Variants in DYNC2H1 observed in about 807,000 individuals in gnomAD.
DYNC2H1 encodes dynein cytoplasmic 2 heavy chain 1.
A neutral mutation model predicts 570.0 loss-of-function variants in DYNC2H1; 410 were observed. That is an observed-to-expected ratio of 0.72 (90% CI 0.66 to 0.78). DYNC2H1 has a LOEUF of 0.78. DYNC2H1 is among the 30% of genes least tolerant of loss of function. The pLI, the probability that DYNC2H1 is intolerant of heterozygous loss-of-function variation, is 0.00. For missense variants in DYNC2H1, 4,865 were observed against 5,046.4 expected, an observed-to-expected ratio of 0.96 and a Z score of 1.09; for synonymous variants, 1,688 against 1,677.6, an observed-to-expected ratio of 1.01 and a Z score of -0.15.
Position 103,199,409 on chromosome 11 carries a change from C to T in DYNC2H1, c.8021C>T (p.Ala2674Val), listed in dbSNP as rs779700118. 37 of 1,612,398 alleles carry T rather than the reference C, an allele frequency of 2.3e-5. No individual in the cohort carries two copies. Among genetic ancestry groups the T allele is most frequent in the Admixed American group, 5.0e-5 (3 of 59,936 alleles). The part of the protein sequence containing the change: ...ITSLVSHMHG[A>V]VLFSPKISRG... ...TCTTTAGTCAGTCACATGCATGGAG[C>T]GGTCCTGTTTTCTCCAAAGATTTCC... Residue 2674 changes from alanine to valine, a missense_variant, in exon 49 of 89, where the codon GCG becomes GTG. Around this residue, in one of 5 missense-constraint regions of DYNC2H1, gnomAD observed 2,401 missense variants for 2,454.6 expected, o/e 0.98. Transcript: ENST00000375735. This position sits in a 1 kb window ranked among gnomAD's most constrained non-coding sequence, Gnocchi z 4.6.
chr11:103,328,622 T>C (rs1394104519), intron 82 of DYNC2H1, among the ~76,000 whole-genome samples: 1 of 152,194 alleles, frequency 6.6e-6, no homozygotes, highest in Non-Finnish European at 1.5e-5. Flanking sequence ...ACCAATTTTG[T>C]ACAAATATGA....
At chr11:103,219,231 G>GA (rs920224420) in intron 55 of DYNC2H1, among the ~76,000 whole-genome samples, 4 of 149,864 alleles carry the variant, frequency 2.7e-5, no homozygotes, top group African/African-American at 4.9e-5. Context: ...AGAAAAAAAG[G>GA]AAAAAAAAAC....
At chr11:103,230,917 C>T (rs1277358539) in intron 59 of DYNC2H1, among the ~76,000 whole-genome samples, 1 of 152,000 alleles carries the variant, frequency 6.6e-6, no homozygotes, top group Non-Finnish European at 1.5e-5. Context: ...TCATACTTTC[C>T]TCTTTTGATC....
chr11:103,287,548 G>A lies in DYNC2H1; in HGVS notation c.11038G>A (p.Ala3680Thr). The A allele has an allele frequency of 6.2e-7, 1 of 1,610,190 alleles. No individual in the cohort carries two copies. Among genetic ancestry groups the A allele is most frequent in the Non-Finnish European group, 8.5e-7 (1 of 1,178,072 alleles). ...TTATTTTAAGATTCTTGTAGTACAG[G>A]CGCTAAGACCGGACAGATTGCAAAG... ...SLFQQILVVQ[A>T]LRPDRLQSAM... The change falls in exon 75 of 89, where the codon GCG (alanine) becomes ACG (threonine). Residue 3680 changes from alanine to threonine, a missense_variant. Ala to Thr is a moderately conservative substitution (Grantham distance 58). Around this residue, in one of 5 missense-constraint regions of DYNC2H1, gnomAD observed 2,401 missense variants for 2,454.6 expected, o/e 0.98. Coordinates refer to ENST00000375735, the MANE Select transcript of DYNC2H1 (RefSeq NM_001377.3).
intron 84 of DYNC2H1, chr11:103,401,968 A>G (rs1942663543): frequency 6.6e-6 from 1 of 152,182 alleles, no homozygotes; most frequent in Non-Finnish European, 1.5e-5. Flanking sequence ...AAAAAATGTA[A>G]GAGGTAATTG....
chr11:103,332,478 G>C (rs563033567), intron 82 of DYNC2H1, among the ~76,000 whole-genome samples: 1 of 151,718 alleles, frequency 6.6e-6, no homozygotes, highest in African/African-American at 2.4e-5. Flanking sequence ...ACACACACAG[G>C]CATAAAATAT....
At chr11:103,394,946 A>T (rs1055212318) in intron 83 of DYNC2H1, among the ~76,000 whole-genome samples, 1 of 151,936 alleles carries the variant, frequency 6.6e-6, no homozygotes, top group African/African-American at 2.4e-5. Context: ...GAACTCACCA[A>T]ACTCAAAATG....
chr11:103,314,547 A>T (rs1182579532), intron 79 of DYNC2H1, among the ~76,000 whole-genome samples: 1 of 152,074 alleles, frequency 6.6e-6, no homozygotes, highest in African/African-American at 2.4e-5. Flanking sequence ...GTCAATTTTT[A>T]AATGTGGAAT....
In DYNC2H1 at chr11:103,319,626, T is replaced by A. The variant is rs1018261821; in HGVS notation, c.11726-1403T>A. Among the ~76,000 whole-genome samples the A allele has an allele frequency of 6.6e-6, 1 of 152,130 alleles. No individual in the cohort carries two copies. Among genetic ancestry groups the A allele is most frequent in the Non-Finnish European group, 1.5e-5 (1 of 67,990 alleles). ...TTTAAGTTCTATTCATTTTATTTTA[T>A]CCTGAACAACATAAAATTTGTTTTG... On this transcript the variant is annotated intron_variant, in intron 80 of 88. Transcript: ENST00000375735. The surrounding 1 kb of genome is among the most constrained non-coding windows in gnomAD (Gnocchi z 4.3).
At chr11:103,346,479 T>A (rs72979611) in intron 82 of DYNC2H1, among the ~76,000 whole-genome samples, 10,336 of 152,296 alleles carry the variant, frequency 0.068, 364 homozygotes, top group Non-Finnish European at 0.077. Context: ...AATCTGAATT[T>A]GAATACTTTT....
intron 46 of DYNC2H1, 87 bp downstream of exon 46, chr11:103,191,706 G>C: frequency 1.7e-6 from 1 of 579,318 alleles, no homozygotes; most frequent in Non-Finnish European, 2.7e-6. Flanking sequence ...TAAGTTAAAT[G>C]CGTATTATAT....
chr11:103,266,504 C>G (rs771182993), intron 70 of DYNC2H1, among the ~76,000 whole-genome samples: 23 of 151,980 alleles, frequency 1.5e-4, no homozygotes, highest in Non-Finnish European at 3.1e-4. Flanking sequence ...CAGCCACTAG[C>G]GGGGGTGGGG....
chr11:103,273,988 C>T (rs1865808591), intron 70 of DYNC2H1, among the ~76,000 whole-genome samples: 1 of 152,002 alleles, frequency 6.6e-6, no homozygotes, highest in Non-Finnish European at 1.5e-5. Context: ...TTACTGACTC[C>T]AGTGGATAAT....
At chr11:103,404,057 C>G (rs973989510) in intron 84 of DYNC2H1, 2 of 151,670 alleles carry the variant, frequency 1.3e-5, no homozygotes, top group African/African-American at 4.8e-5. Flanking sequence ...TATATAGGAC[C>G]AGGGAACTAA....
chr11:103,191,392 T>C lies in DYNC2H1; in HGVS notation c.7438-125T>C, dbSNP rs143960652. 16 of 654,928 alleles carry C rather than the reference T, an allele frequency of 2.4e-5. 1 individual carries two copies. Among genetic ancestry groups the C allele is most frequent in the African/African-American group, 1.3e-4 (7 of 54,586 alleles). 40.6% of individuals were successfully genotyped at this position (654,928 alleles called of 1,614,324 possible). A position where few individuals can be genotyped will look rare whatever the true frequency, so the allele number is the denominator to read the frequency against. ...TATAAAGATAATGAAGTCATTTATA[T>C]TGAAATCCAGTTCCATCTACAGGTA... On this transcript the variant is annotated intron_variant, in intron 45 of 88. Transcript: ENST00000375735.
chr11:103,118,492 T>G (rs1858536133), intron 6 of DYNC2H1, among the ~76,000 whole-genome samples: 1 of 152,172 alleles, frequency 6.6e-6, no homozygotes, highest in Admixed American at 6.5e-5. Context: ...TTTCTCATCT[T>G]TGTCTTCCCT....
chr11:103,244,904 C>A lies in DYNC2H1; in HGVS notation c.9919-347C>A, dbSNP rs1864554474. 6.6e-6 allele frequency among the ~76,000 whole-genome samples: 1 copy of A among 151,126 alleles called. No homozygotes were observed. Among genetic ancestry groups the A allele is most frequent in the African/African-American group, 2.4e-5 (1 of 41,246 alleles). On this transcript the variant is annotated intron_variant, in intron 64 of 88. Coordinates refer to ENST00000375735, the MANE Select transcript of DYNC2H1 (RefSeq NM_001377.3). This position sits in a 1 kb window ranked among gnomAD's most constrained non-coding sequence, Gnocchi z 4.3. ...CATACCACACATACACACACACATA[C>A]ACACGCCTGGGGTGATGTTTAAAAC...
chr11:103,328,527 C>T (rs1420763420), intron 82 of DYNC2H1, among the ~76,000 whole-genome samples: 1 of 152,134 alleles, frequency 6.6e-6, no homozygotes. Flanking sequence ...TTATCATGCA[C>T]AAATTCAGGG....
intron 82 of DYNC2H1, among the ~76,000 whole-genome samples, chr11:103,331,319 A>T (rs1439170112): frequency 2.6e-5 from 4 of 152,204 alleles, no homozygotes; most frequent in African/African-American, 9.7e-5. Context: ...CTCTTACCTG[A>T]TGAGAGTACT....
Sources: allele counts gnomAD v4.1 joint callset (sites outside exome capture counted in the v4.1 genomes callset), GRCh38; gene constraint gnomAD v4.1.1; regional missense constraint gnomAD v4.1.1; non-coding constraint Gnocchi (gnomAD v3.1); transcripts MANE v1.5; gene names NCBI Gene and HGNC (gene_info 2026-07-23, HGNC 2026-07-21).